Variants in GPATCH2 observed in about 807,000 individuals in gnomAD.
GPATCH2 encodes G patch domain-containing protein 2.
A neutral mutation model predicts 58.0 loss-of-function variants in GPATCH2; 51 were observed. The observed-to-expected ratio is 0.88, with a 90% CI of 0.70 to 1.11. The LOEUF (loss-of-function observed/expected upper bound fraction) is 1.11. Among genes scored for constraint, GPATCH2 ranks in the 50% most tolerant of loss-of-function variants. The probability of loss-of-function intolerance (pLI) is 0.00; values close to 1 mark genes in which losing one functional copy is unlikely to be tolerated. For missense variants in GPATCH2, 625 were observed against 652.2 expected, an observed-to-expected ratio of 0.96 and a Z score of 0.45; for synonymous variants, 222 against 218.5, an observed-to-expected ratio of 1.02 and a Z score of -0.14.
intron 5 of GPATCH2, among the ~76,000 whole-genome samples, chr1:217,557,043 A>G (rs1665669587): frequency 1.3e-5 from 2 of 151,902 alleles, no homozygotes; most frequent in East Asian, 3.9e-4. Context: ...TTTATTTTTC[A>G]TTTGAAAAAG....
intron 6 of GPATCH2, among the ~76,000 whole-genome samples, chr1:217,499,095 G>A (rs557805659): frequency 1.3e-5 from 2 of 152,180 alleles, no homozygotes; most frequent in South Asian, 2.1e-4. Context: ...TTAGCTATGC[G>A]CCCAGTCCTC....
chr1:217,452,204 A>G (rs562714363), intron 8 of GPATCH2, among the ~76,000 whole-genome samples: 10 of 152,348 alleles, frequency 6.6e-5, no homozygotes, highest in African/African-American at 2.4e-4. Flanking sequence ...GGTTTGCCAT[A>G]GTTCAGACAC....
chr1:217,583,707 C>G (rs1248783763), intron 5 of GPATCH2, among the ~76,000 whole-genome samples: 2 of 150,406 alleles, frequency 1.3e-5, no homozygotes, highest in Non-Finnish European at 3.0e-5. Flanking sequence ...TAAAAAAAAG[C>G]AGGATAAATA....
intron 9 of GPATCH2, among the ~76,000 whole-genome samples, chr1:217,436,017 T>A (rs548661563): frequency 5.3e-5 from 8 of 152,182 alleles, no homozygotes; most frequent in Non-Finnish European, 1.2e-4. Flanking sequence ...AGAAATTTAA[T>A]GTAAAACTAG....
At chr1:217,521,357 G>GAAAAA (rs1558453708) in intron 5 of GPATCH2, among the ~76,000 whole-genome samples, 1 of 11,544 alleles carries the variant, frequency 8.7e-5, no homozygotes, top group African/African-American at 5.2e-4. Flanking sequence ...CAGGGAGACT[G>GAAAAA]CAAAAAAAAA....
intron 5 of GPATCH2, among the ~76,000 whole-genome samples, chr1:217,602,990 A>G (rs959599560): frequency 6.6e-6 from 1 of 152,172 alleles, no homozygotes. Context: ...GGCTTGTCAA[A>G]GGAAGAACAT....
chr1:217,469,156 A>G (rs938160998), intron 8 of GPATCH2, among the ~76,000 whole-genome samples: 1 of 152,166 alleles, frequency 6.6e-6, no homozygotes, highest in Non-Finnish European at 1.5e-5. Flanking sequence ...AAAAATCTTT[A>G]TCTGAGGTTT....
chr1:217,596,549 A>T (rs543087995), intron 5 of GPATCH2, among the ~76,000 whole-genome samples: 2 of 152,348 alleles, frequency 1.3e-5, no homozygotes, highest in African/African-American at 4.8e-5. Context: ...CCTGGCAATT[A>T]ATAAGAACTC....
intron 5 of GPATCH2, among the ~76,000 whole-genome samples, chr1:217,583,634 G>C (rs2102748609): frequency 6.6e-6 from 1 of 151,320 alleles, no homozygotes; most frequent in African/African-American, 2.4e-5. Flanking sequence ...TTTGGATAAG[G>C]GCTGAAATCT....
chr1:217,587,782 G>T (rs138442175), intron 5 of GPATCH2, among the ~76,000 whole-genome samples: 1 of 152,142 alleles, frequency 6.6e-6, no homozygotes, highest in African/African-American at 2.4e-5. Flanking sequence ...AACAAAAAAA[G>T]AACTAAAATA....
chr1:217,544,471 A>T (rs943887035), intron 5 of GPATCH2, among the ~76,000 whole-genome samples: 24 of 151,882 alleles, frequency 1.6e-4, no homozygotes, highest in African/African-American at 4.8e-4. Context: ...ACATTCTTTT[A>T]AAAAAAAAGT....
intron 5 of GPATCH2, among the ~76,000 whole-genome samples, chr1:217,539,894 T>TA (rs1011663196): frequency 3.5e-5 from 3 of 86,736 alleles, no homozygotes; most frequent in African/African-American, 9.9e-5. Context: ...TATGTATTTA[T>TA]AAAAAAACTT....
At chr1:217,510,142 T>C (rs1347247226) in intron 6 of GPATCH2, among the ~76,000 whole-genome samples, 1 of 152,208 alleles carries the variant, frequency 6.6e-6, no homozygotes, top group Non-Finnish European at 1.5e-5. Context: ...CATTTTTGAA[T>C]ATGTATTGCC....
At chr1:217,474,651 C>T (rs541733031) in intron 8 of GPATCH2, among the ~76,000 whole-genome samples, 2 of 152,130 alleles carry the variant, frequency 1.3e-5, no homozygotes, top group Non-Finnish European at 2.9e-5. Context: ...GGAATGCCTA[C>T]GTTAAGGGCA....
At chr1:217,451,913 T>C (rs934049795) in intron 8 of GPATCH2, among the ~76,000 whole-genome samples, 2 of 151,724 alleles carry the variant, frequency 1.3e-5, no homozygotes, top group Admixed American at 6.5e-5. Flanking sequence ...AGGTTTTCTA[T>C]ACTTGCTGAA....
intron 5 of GPATCH2, among the ~76,000 whole-genome samples, chr1:217,604,362 A>T (rs1361260181): frequency 6.6e-6 from 1 of 151,728 alleles, no homozygotes; most frequent in Admixed American, 6.6e-5. Flanking sequence ...AAAAAAAAGT[A>T]TCAGTGTCTA....
intron 8 of GPATCH2, among the ~76,000 whole-genome samples, chr1:217,454,299 T>A (rs1187315392): frequency 6.6e-6 from 1 of 152,110 alleles, no homozygotes; most frequent in Non-Finnish European, 1.5e-5. Flanking sequence ...ATTAAATCCT[T>A]GTTTTTCTGG....
At chr1:217,530,668 G>A (rs570540716) in intron 5 of GPATCH2, among the ~76,000 whole-genome samples, 47 of 152,116 alleles carry the variant, frequency 3.1e-4, no homozygotes, top group African/African-American at 9.9e-4. Context: ...TTTTTTTCTC[G>A]TGATTGTATC....
intron 8 of GPATCH2, among the ~76,000 whole-genome samples, chr1:217,478,987 C>T (rs1015007330): frequency 6.7e-6 from 1 of 149,512 alleles, no homozygotes; most frequent in Non-Finnish European, 1.5e-5. Context: ...ATTTAAAATG[C>T]TAAAGGAAAA....
Sources: gnomAD v4.1 joint callset for allele counts (sites outside exome capture counted in the v4.1 genomes callset) on GRCh38, gnomAD v4.1.1 for gene constraint, MANE v1.5 for transcripts, NCBI Gene and HGNC (gene_info 2026-07-23, HGNC 2026-07-21) for gene names.